Variants in ZMYM2 observed in about 807,000 individuals in gnomAD.
The protein encoded by ZMYM2 is zinc finger MYM-type containing 2.
Under a neutral mutation model 162.8 loss-of-function variants are expected in ZMYM2, and 56 were observed. That is an observed-to-expected ratio of 0.34 (90% CI 0.28 to 0.43). The LOEUF (loss-of-function observed/expected upper bound fraction) is 0.43. Ranked by LOEUF, ZMYM2 falls within the 20% of genes least tolerant of loss-of-function variation. The pLI is 1.00. For missense variants in ZMYM2, 1,275 were observed against 1,621.8 expected (o/e 0.79, Z 3.67); for synonymous variants, 510 against 541.6 (o/e 0.94, Z 0.81).
intron 12 of ZMYM2, among the ~76,000 whole-genome samples, chr13:20,047,439 C>T (rs949905043): frequency 2.0e-5 from 3 of 152,042 alleles, no homozygotes; most frequent in African/African-American, 7.2e-5. Context: ...CAAATCATTC[C>T]GGCTTATCAG....
intron 2 of ZMYM2, among the ~76,000 whole-genome samples, chr13:19,992,065 G>C (rs925874718): frequency 6.6e-6 from 1 of 152,112 alleles, no homozygotes; most frequent in Non-Finnish European, 1.5e-5. Context: ...ACATTTGTAG[G>C]TTCCAGGAAT....
intron 2 of ZMYM2, among the ~76,000 whole-genome samples, chr13:19,962,053 A>C (rs1955278681): frequency 6.6e-6 from 1 of 152,204 alleles, no homozygotes; most frequent in South Asian, 2.1e-4. Context: ...AGTGGTCCCT[A>C]CTTTTCCATG....
chr13:20,033,224 G>C (rs1189423979), intron 10 of ZMYM2, among the ~76,000 whole-genome samples: 1 of 151,934 alleles, frequency 6.6e-6, no homozygotes, highest in Non-Finnish European at 1.5e-5. Flanking sequence ...ACTGAATTTT[G>C]ATACTAGATC....
chr13:20,064,382 C>A, intron 18 of ZMYM2, 69 bp from the exon 19 acceptor site: 2 of 1,391,942 alleles, frequency 1.4e-6, no homozygotes, highest in East Asian at 2.6e-5. Context: ...GTGGTTAGTT[C>A]TTTGTTGGCT....
At chr13:20,060,436 T>C (rs1432722577) in intron 16 of ZMYM2, among the ~76,000 whole-genome samples, 4 of 152,182 alleles carry the variant, frequency 2.6e-5, no homozygotes, top group African/African-American at 9.7e-5. Flanking sequence ...CCCAGCACTT[T>C]AGGAGGCTGA....
chr13:19,986,161 C>T (rs1211811257), intron 2 of ZMYM2, among the ~76,000 whole-genome samples: 2 of 152,006 alleles, frequency 1.3e-5, no homozygotes, highest in African/African-American at 4.8e-5. Flanking sequence ...CGCACCACTG[C>T]TCTCCAGCCT....
In ZMYM2 at chr13:19,959,958, G is replaced by A. The variant is rs1408888111; in HGVS notation, c.-79G>A. ...TTTTTCTTTTTTCCTCCTATCCCAG[G>A]ACCAAGAATCGCCTTCAGCCCTGTC... On this transcript the variant is annotated splice_region_variant and 5_prime_UTR_variant, in exon 2 of 25. Transcript: ENST00000610343. 1.3e-5 allele frequency: 2 copies of A among 152,240 alleles called. No individual in the cohort carries two copies. Among genetic ancestry groups the A allele is most frequent in the African/African-American group, 2.4e-5 (1 of 41,438 alleles). The allele number at this position is 152,240 out of a possible 1,614,324, so 9.4% of individuals were successfully genotyped here. A position where few individuals can be genotyped will look rare whatever the true frequency, so the allele number is the denominator to read the frequency against.
intron 18 of ZMYM2, among the ~76,000 whole-genome samples, chr13:20,063,894 TATA>T (rs1490991251): frequency 4.8e-3 from 48 of 10,002 alleles, no homozygotes; most frequent in African/African-American, 6.7e-3. Context: ...ATAATATAAA[TATA>T]ATTTTATATA....
chr13:19,899,175 C>T, the ZMYM2 span, among the ~76,000 whole-genome samples: 1 of 151,830 alleles, frequency 6.6e-6, no homozygotes, highest in Non-Finnish European at 1.5e-5. Flanking sequence ...TGGTCTCGAA[C>T]TTCTGACCTT....
chr13:19,950,742 A>G, the ZMYM2 span, among the ~76,000 whole-genome samples: 6 of 152,374 alleles, frequency 3.9e-5, no homozygotes, highest in South Asian at 1.2e-3. Flanking sequence ...TGGTTTTAAC[A>G]CTACTCAGTA....
the ZMYM2 span, among the ~76,000 whole-genome samples, chr13:19,951,239 T>C: frequency 2.0e-5 from 3 of 151,942 alleles, no homozygotes; most frequent in East Asian, 5.8e-4. Flanking sequence ...ATGAGATACA[T>C]TAAAAAGCTT....
chr13:20,039,133 C>G (rs1397557060), intron 12 of ZMYM2, among the ~76,000 whole-genome samples: 1 of 152,094 alleles, frequency 6.6e-6, no homozygotes, highest in Non-Finnish European at 1.5e-5. Flanking sequence ...ATTTTGTACC[C>G]TTTGCTGAAG....
At chr13:20,034,813 C>T (rs979793992) in intron 11 of ZMYM2, among the ~76,000 whole-genome samples, 1 of 152,160 alleles carries the variant, frequency 6.6e-6, no homozygotes, top group Non-Finnish European at 1.5e-5. Flanking sequence ...TATGGCAGTA[C>T]TAAAATGGGA....
intron 12 of ZMYM2, among the ~76,000 whole-genome samples, chr13:20,050,438 G>A (rs920418969): frequency 2.0e-5 from 3 of 151,794 alleles, no homozygotes; most frequent in South Asian, 4.1e-4. Flanking sequence ...CAGTTACTAC[G>A]AACTACAAAA....
chr13:20,028,919 A>C (rs1952822017), intron 9 of ZMYM2, among the ~76,000 whole-genome samples: 1 of 152,098 alleles, frequency 6.6e-6, no homozygotes, highest in Non-Finnish European at 1.5e-5. Flanking sequence ...AGATAGGCCT[A>C]CAGGCAGCTT....
At chr13:19,965,254 C>G in intron 2 of ZMYM2, 1 of 1,300,688 alleles carries the variant, frequency 7.7e-7, no homozygotes, top group Non-Finnish European at 1.0e-6. Flanking sequence ...GCCGTAGTCA[C>G]CTGGATACCA....
At chr13:19,941,134 C>A in the ZMYM2 span, among the ~76,000 whole-genome samples, 1 of 151,960 alleles carries the variant, frequency 6.6e-6, no homozygotes, top group East Asian at 1.9e-4. Flanking sequence ...CATGGTGAAA[C>A]CCTGTCTCTA....
chr13:19,881,883 G>A, the ZMYM2 span, among the ~76,000 whole-genome samples: 1 of 151,336 alleles, frequency 6.6e-6, no homozygotes, highest in Non-Finnish European at 1.5e-5. Flanking sequence ...TTGGGAGGCC[G>A]AGGCAAGAGA....
the ZMYM2 span, among the ~76,000 whole-genome samples, chr13:19,878,514 G>GC: frequency 8.0e-5 from 8 of 100,302 alleles, no homozygotes; most frequent in African/African-American, 3.3e-4. Context: ...CAATTCCTTT[G>GC]CCCTTTTTTT....
Sources: allele counts gnomAD v4.1 joint callset (sites outside exome capture counted in the v4.1 genomes callset), GRCh38; gene constraint gnomAD v4.1.1; transcripts MANE v1.5; gene names NCBI Gene and HGNC (gene_info 2026-07-23, HGNC 2026-07-21).